PPP6R3: variants seen among roughly 807,000 people sequenced by gnomAD.
The protein encoded by PPP6R3 is protein phosphatase 6 regulatory subunit 3, also known as serine/threonine-protein phosphatase 6 regulatory subunit 3.
A neutral mutation model predicts 110.7 loss-of-function variants in PPP6R3; 38 were observed. That is an observed-to-expected ratio of 0.34 (90% CI 0.26 to 0.45). PPP6R3 has a LOEUF of 0.45. Ranked by LOEUF, PPP6R3 falls within the 20% of genes least tolerant of loss-of-function variation. The probability of loss-of-function intolerance (pLI) is 1.00; values close to 1 mark genes in which losing one functional copy is unlikely to be tolerated. For missense variants in PPP6R3, 870 were observed against 1,062.4 expected, an observed-to-expected ratio of 0.82 and a Z score of 2.52; for synonymous variants, 369 against 373.5, an observed-to-expected ratio of 0.99 and a Z score of 0.14.
chr11:68,513,307 G>T (rs962197997), intron 1 of PPP6R3, among the ~76,000 whole-genome samples: 3 of 152,076 alleles, frequency 2.0e-5, no homozygotes, highest in Admixed American at 6.5e-5. Context: ...TACAAATCTG[G>T]TATTGGGGAA....
chr11:68,556,985 A>G (rs2099402066), intron 7 of PPP6R3, among the ~76,000 whole-genome samples: 1 of 152,270 alleles, frequency 6.6e-6, no homozygotes, highest in East Asian at 1.9e-4. Context: ...AGCCATCTTC[A>G]GGCATCTGTA....
At chr11:68,580,120 A>T (rs1224863162) in intron 14 of PPP6R3, among the ~76,000 whole-genome samples, 1 of 152,092 alleles carries the variant, frequency 6.6e-6, no homozygotes, top group Non-Finnish European at 1.5e-5. Context: ...GTGGAGAGGG[A>T]AGAGCAAAAT....
At chr11:68,472,068 G>C (rs996028675) in intron 1 of PPP6R3, among the ~76,000 whole-genome samples, 20 of 152,196 alleles carry the variant, frequency 1.3e-4, no homozygotes, top group Non-Finnish European at 2.4e-4. Flanking sequence ...CCTGAGGGTA[G>C]CAGTCCTGAG....
Position 68,610,034 on chromosome 11 carries a change from G to A in PPP6R3, c.2570+11G>A, listed in dbSNP as rs765264234. 6 of 1,612,300 alleles carry A rather than the reference G, an allele frequency of 3.7e-6. No homozygotes were observed. The highest frequency in any genetic ancestry group is 1.7e-5 in the Admixed American group (1 of 59,938). Reference sequence around the variant, plus strand: ...CAGTCCCGAGCAGAGGTAACCACCCGCCTCCTCAAACCCACCCAGGCCCTG... The same window carrying A: ...CAGTCCCGAGCAGAGGTAACCACCCACCTCCTCAAACCCACCCAGGCCCTG... On this transcript the variant is annotated intron_variant, in intron 23 of 23. Transcript: ENST00000393800.
chr11:68,556,018 C>A (rs1008901307), intron 7 of PPP6R3, among the ~76,000 whole-genome samples: 4 of 152,104 alleles, frequency 2.6e-5, no homozygotes, highest in Admixed American at 6.5e-5. Flanking sequence ...ATAATAGCAT[C>A]TGTATATATT....
chr11:68,552,588 G>T (rs2099385452), intron 6 of PPP6R3, among the ~76,000 whole-genome samples: 1 of 152,196 alleles, frequency 6.6e-6, no homozygotes, highest in Non-Finnish European at 1.5e-5. Flanking sequence ...TCTCAACCTA[G>T]CTGGGGTGAT....
intron 23 of PPP6R3, 120 bp from the exon 24 acceptor site, chr11:68,612,942 AACTT>A: frequency 6.6e-7 from 1 of 1,503,782 alleles, no homozygotes; most frequent in Non-Finnish European, 8.9e-7. Flanking sequence ...TTTTATTAAA[AACTT>A]ACTAAGTTCA....
At chr11:68,558,730 A>G in intron 8 of PPP6R3, 51 bp downstream of exon 8, 3 of 1,400,746 alleles carry the variant, frequency 2.1e-6, no homozygotes, top group Non-Finnish European at 3.0e-6. Flanking sequence ...TTGCTTTCAG[A>G]TTTAAGAGTT....
intron 1 of PPP6R3, among the ~76,000 whole-genome samples, chr11:68,461,473 C>T (rs1305651509): frequency 6.1e-5 from 7 of 115,406 alleles, no homozygotes; most frequent in Admixed American, 2.4e-4. Flanking sequence ...GAATGCCTCC[C>T]TGGTGTATTT....
intron 14 of PPP6R3, among the ~76,000 whole-genome samples, chr11:68,580,746 CTTTTT>C (rs71043441): frequency 2.5e-4 from 17 of 67,510 alleles, no homozygotes; most frequent in African/African-American, 6.2e-4. Context: ...GGTAAATAAT[CTTTTT>C]TTTTTTTTTT....
At position 68,569,913 on chromosome 11, in the gene PPP6R3, C is replaced by A; in HGVS notation, c.1278+16C>A. 1 of 1,592,892 alleles carries A rather than the reference C, an allele frequency of 6.3e-7. No homozygotes were observed. The highest frequency in any genetic ancestry group is 1.1e-5 in the South Asian group (1 of 88,710). ...ATTAAAACATGTAAGCTTATTTGGT[C>A]TCGTTTTTCTCCCACTCTCTCCTGG... On this transcript the variant is annotated intron_variant, in intron 11 of 23. Transcript: ENST00000393800.
intron 12 of PPP6R3, among the ~76,000 whole-genome samples, chr11:68,573,154 A>ATATATATATATATATATATATATATAT (rs35361909): frequency 1.3e-5 from 1 of 74,328 alleles, no homozygotes; most frequent in Non-Finnish European, 2.7e-5. Context: ...ATATATATAT[A>ATATATATATATATATATATATATATAT]ATTTTTTTTT....
chr11:68,611,269 T>C (rs980051089), intron 23 of PPP6R3, among the ~76,000 whole-genome samples: 5 of 152,192 alleles, frequency 3.3e-5, no homozygotes, highest in Admixed American at 1.3e-4. Flanking sequence ...TTCCTTTATA[T>C]TGAGGGCTGC....
At chr11:68,480,642 T>C (rs768694090) in intron 1 of PPP6R3, among the ~76,000 whole-genome samples, 5 of 152,196 alleles carry the variant, frequency 3.3e-5, no homozygotes, top group Non-Finnish European at 7.3e-5. Flanking sequence ...GTTTGTTTTG[T>C]TTTATTTTTA....
At chr11:68,508,145 T>C (rs1168152635) in intron 1 of PPP6R3, among the ~76,000 whole-genome samples, 104 of 118,546 alleles carry the variant, frequency 8.8e-4, no homozygotes, top group Non-Finnish European at 1.7e-3. Context: ...TTTTTTTTTT[T>C]TGAGATGGAG....
intron 22 of PPP6R3, among the ~76,000 whole-genome samples, chr11:68,605,947 A>C (rs894222695): frequency 1.3e-5 from 2 of 152,256 alleles, no homozygotes; most frequent in African/African-American, 4.8e-5. Flanking sequence ...AGCTCTTTTT[A>C]TGAGGGCAGT....
intron 10 of PPP6R3, among the ~76,000 whole-genome samples, chr11:68,569,115 A>C (rs1420683883): frequency 6.6e-6 from 1 of 152,166 alleles, no homozygotes; most frequent in African/African-American, 2.4e-5. Context: ...TATTTGTGTT[A>C]GTTGCTTTGA....
chr11:68,550,600 C>T (rs184826768), intron 5 of PPP6R3, among the ~76,000 whole-genome samples: 41 of 152,278 alleles, frequency 2.7e-4, no homozygotes, highest in Admixed American at 2.4e-3. Context: ...AAAAACTCTG[C>T]CTCTGTGCTT....
At chr11:68,549,822 G>A (rs2099363730) in intron 5 of PPP6R3, among the ~76,000 whole-genome samples, 1 of 152,166 alleles carries the variant, frequency 6.6e-6, no homozygotes, top group South Asian at 2.1e-4. Flanking sequence ...TGTAGGTTGG[G>A]GAAAGGTTAG....
Sources: gnomAD v4.1 joint callset for allele counts (sites outside exome capture counted in the v4.1 genomes callset) on GRCh38, gnomAD v4.1.1 for gene constraint, MANE v1.5 for transcripts, NCBI Gene and HGNC (gene_info 2026-07-23, HGNC 2026-07-21) for gene names.